Variants in LRP1B observed in about 807,000 individuals in gnomAD.
LRP1B encodes LDL receptor related protein 1B.
LRP1B carries 217 observed loss-of-function variants against 556.6 expected under a neutral mutation model. The observed-to-expected ratio is 0.39, with a 90% CI of 0.35 to 0.44. LRP1B has a LOEUF of 0.44. LRP1B is among the 20% of genes least tolerant of loss of function. The pLI, the probability that LRP1B is intolerant of heterozygous loss-of-function variation, is 1.00. For synonymous variants in LRP1B, 2,047 were observed against 1,865.8 expected (o/e 1.10, Z -2.50); for missense variants, 5,053 against 5,620.8 (o/e 0.90, Z 3.23).
At position 140,482,181 on chromosome 2, in the gene LRP1B, G is replaced by C. The variant is rs1468359363; in HGVS notation, c.9425+3162C>G. Among the ~76,000 whole-genome samples, 3 of 124,122 alleles carry C rather than the reference G, an allele frequency of 2.4e-5. No homozygotes were observed. The East Asian group carries it at 1.2e-3, about 51-fold the overall frequency. 81.4% of individuals were successfully genotyped at this position (124,122 alleles called of 152,430 possible). A position where few individuals can be genotyped will look rare whatever the true frequency, so the allele number is the denominator to read the frequency against. ...TAGAGTGTAACATACTTGAAGACGA[G>C]GGACCATGCCTTTTATTTTTATTCT... On this transcript the variant is annotated intron_variant, in intron 59 of 90. Transcript: ENST00000389484.
intron 2 of LRP1B, among the ~76,000 whole-genome samples, chr2:141,633,008 T>C (rs1688970906): frequency 6.6e-6 from 1 of 152,220 alleles, no homozygotes; most frequent in African/African-American, 2.4e-5. Flanking sequence ...AATCTGTTTA[T>C]GATTTTGACA....
At chr2:141,873,949 A>G (rs890991198) in intron 1 of LRP1B, among the ~76,000 whole-genome samples, 1 of 152,008 alleles carries the variant, frequency 6.6e-6, no homozygotes, top group African/African-American at 2.4e-5. Flanking sequence ...CCAGATCAAG[A>G]CATACAATAA....
At chr2:140,375,423 C>T (rs1683183214) in intron 68 of LRP1B, among the ~76,000 whole-genome samples, 1 of 151,922 alleles carries the variant, frequency 6.6e-6, no homozygotes, top group African/African-American at 2.4e-5. Flanking sequence ...ATTTAGAGAC[C>T]ACTTGGTGAA....
At chr2:140,249,617 T>C (rs1235326218) in intron 86 of LRP1B, among the ~76,000 whole-genome samples, 2 of 151,838 alleles carry the variant, frequency 1.3e-5, no homozygotes, top group African/African-American at 4.8e-5. Flanking sequence ...TTTACCATTC[T>C]CCTTATACTC....
intron 6 of LRP1B, among the ~76,000 whole-genome samples, chr2:141,199,012 C>T (rs976860281): frequency 1.3e-5 from 2 of 152,102 alleles, no homozygotes; most frequent in African/African-American, 4.8e-5. Flanking sequence ...GCTCTCTCTG[C>T]TTCCTTTCTA....
At chr2:140,628,186 GAGAA>G (rs1683737164) in intron 41 of LRP1B, among the ~76,000 whole-genome samples, 1 of 152,124 alleles carries the variant, frequency 6.6e-6, no homozygotes, top group African/African-American at 2.4e-5. Flanking sequence ...CAGAGAGACA[GAGAA>G]AGAGAACAGA....
At chr2:141,559,251 A>T (rs1313893180) in intron 2 of LRP1B, among the ~76,000 whole-genome samples, 1 of 151,626 alleles carries the variant, frequency 6.6e-6, no homozygotes, top group Non-Finnish European at 1.5e-5. Context: ...AAATTTGTTA[A>T]ATGATTATTC....
At chr2:141,274,809 A>C (rs1685222965) in intron 3 of LRP1B, among the ~76,000 whole-genome samples, 1 of 152,146 alleles carries the variant, frequency 6.6e-6, no homozygotes, top group African/African-American at 2.4e-5. Context: ...TTTAGAAAGC[A>C]GTTAAGTACT....
In LRP1B at chr2:140,324,043, C is replaced by A. The variant is rs201307818; in HGVS notation, c.12364G>T (p.Asp4122Tyr). The A allele has an allele frequency of 1.2e-6, 2 of 1,607,952 alleles. No homozygotes were observed. Among genetic ancestry groups the A allele is most frequent in the Non-Finnish European group, 1.7e-6 (2 of 1,175,672 alleles). Residue 4122 changes from aspartate to tyrosine, a missense_variant, in exon 81 of 91, where the codon GAT becomes TAT. This residue lies in a region of LRP1B where 551 missense variants were observed against 592.0 expected (regional missense o/e 0.93). Transcript: ENST00000389484. ...CCATATATATAATCTTCAAAGATAT[C>A]GATCCTATGTGGATGTAATAAACCT... is the stretch of plus-strand genomic sequence containing the variant. ...KQGLLHPHRI[D>Y]IFEDYIYGAG...
At chr2:141,826,457 T>G (rs1696931041) in intron 1 of LRP1B, among the ~76,000 whole-genome samples, 1 of 149,768 alleles carries the variant, frequency 6.7e-6, no homozygotes, top group South Asian at 2.2e-4. Flanking sequence ...CCTCCTGGGT[T>G]CACGCCATTC....
At chr2:140,960,704 T>C (rs1696008454) in intron 18 of LRP1B, among the ~76,000 whole-genome samples, 1 of 151,940 alleles carries the variant, frequency 6.6e-6, no homozygotes, top group African/African-American at 2.4e-5. Flanking sequence ...AAAAGTACTT[T>C]GTCCTTATTT....
rs188175151 is a variant in LRP1B at position 141,436,866 on chromosome 2, T to C, written c.343+43530A>G. Reference sequence around the variant, plus strand: ...ACATTAGTAAGTAAAGCTACACATATAGTTCTTAACAGAACATGGCATCTG... The same window carrying C: ...ACATTAGTAAGTAAAGCTACACATACAGTTCTTAACAGAACATGGCATCTG... On this transcript the variant is annotated intron_variant, in intron 3 of 90. Coordinates refer to ENST00000389484, the MANE Select transcript of LRP1B (RefSeq NM_018557.3). 1.8e-4 allele frequency among the ~76,000 whole-genome samples: 27 copies of C among 152,278 alleles called. No individual in the cohort carries two copies. In the East Asian group the frequency reaches 4.8e-3, roughly 27 times the overall value.
intron 7 of LRP1B, among the ~76,000 whole-genome samples, chr2:141,112,721 A>G (rs1320269079): frequency 6.6e-6 from 1 of 152,184 alleles, no homozygotes; most frequent in Non-Finnish European, 1.5e-5. Flanking sequence ...TACATCCCCT[A>G]GGAGTAATGA....
chr2:141,619,412 G>A (rs1236145130), intron 2 of LRP1B, among the ~76,000 whole-genome samples: 1 of 152,150 alleles, frequency 6.6e-6, no homozygotes, highest in Non-Finnish European at 1.5e-5. Context: ...AATAATAAAT[G>A]AACAATGCAT....
chr2:141,737,314 T>C (rs942284854), intron 2 of LRP1B, among the ~76,000 whole-genome samples: 1 of 152,158 alleles, frequency 6.6e-6, no homozygotes, highest in Non-Finnish European at 1.5e-5. Flanking sequence ...ATCACGCCAC[T>C]GCACTCCAGG....
chr2:141,245,098 T>C (rs1684018900), intron 5 of LRP1B, among the ~76,000 whole-genome samples: 1 of 152,162 alleles, frequency 6.6e-6, no homozygotes, highest in African/African-American at 2.4e-5. Context: ...GTAGCACTAG[T>C]GTGTGGCTCA....
At chr2:140,634,411 A>G (rs1684000538) in intron 41 of LRP1B, among the ~76,000 whole-genome samples, 1 of 152,092 alleles carries the variant, frequency 6.6e-6, no homozygotes, top group Admixed American at 6.6e-5. Context: ...AATGAGATAA[A>G]TTTCCCATGT....
At chr2:141,702,607 T>G (rs1012195350) in intron 2 of LRP1B, among the ~76,000 whole-genome samples, 1 of 151,840 alleles carries the variant, frequency 6.6e-6, no homozygotes, top group Non-Finnish European at 1.5e-5. Context: ...TGATAAAAAA[T>G]TCACAGGTTA....
rs543105979 is a variant in LRP1B at position 141,827,760 on chromosome 2, A to G, written c.83-17359T>C. Reference sequence around the variant, plus strand: ...AATTTTGGCATATCCTAAAGATAGAATTCATTTTATATTCATCATACTTTC... The same window carrying G: ...AATTTTGGCATATCCTAAAGATAGAGTTCATTTTATATTCATCATACTTTC... On this transcript the variant is annotated intron_variant, in intron 1 of 90. Transcript: ENST00000389484. 7.2e-5 allele frequency among the ~76,000 whole-genome samples: 11 copies of G among 152,184 alleles called. No homozygotes were observed. The East Asian group carries it at 2.1e-3, about 30-fold the overall frequency.
Sources: allele counts gnomAD v4.1 joint callset (sites outside exome capture counted in the v4.1 genomes callset), GRCh38; gene constraint gnomAD v4.1.1; regional missense constraint gnomAD v4.1.1; transcripts MANE v1.5; gene names NCBI Gene and HGNC (gene_info 2026-07-23, HGNC 2026-07-21).